The following MSR1 variants were observed in gnomAD, a reference collection of about 807,000 sequenced individuals.
The protein encoded by MSR1 is macrophage scavenger receptor types I and II.
In MSR1, 53 loss-of-function variants were observed where a neutral mutation model predicts 47.2. The ratio of observed to expected loss-of-function variants is 1.12; its 90% confidence interval spans 0.90 to 1.41. The LOEUF (loss-of-function observed/expected upper bound fraction) is 1.41. MSR1 is among the 40% of genes most tolerant of loss of function. The pLI, the probability that MSR1 is intolerant of heterozygous loss-of-function variation, is 0.00. For missense variants in MSR1, 786 were observed against 546.9 expected (o/e 1.44, Z -4.36); for synonymous variants, 239 against 185.6 (o/e 1.29, Z -2.34).
intron 3 of MSR1, among the ~76,000 whole-genome samples, chr8:16,173,999 T>A (rs901203555): frequency 3.9e-5 from 6 of 152,152 alleles, no homozygotes; most frequent in Non-Finnish European, 5.9e-5. Flanking sequence ...AAAGACTTGA[T>A]TAAACTGGGA....
At chr8:16,150,849 T>TG in intron 6 of MSR1, among the ~76,000 whole-genome samples, 1 of 44,332 alleles carries the variant, frequency 2.3e-5, no homozygotes, top group Non-Finnish European at 4.8e-5. Context: ...AACATAAACA[T>TG]AAACACACAC....
chr8:16,134,542 C>G (rs998345669), intron 8 of MSR1, among the ~76,000 whole-genome samples: 2 of 152,112 alleles, frequency 1.3e-5, no homozygotes, highest in Non-Finnish European at 2.9e-5. Flanking sequence ...TTCTGTCTCT[C>G]TTCCTCTCCT....
intron 8 of MSR1, among the ~76,000 whole-genome samples, chr8:16,124,267 T>C (rs140699952): frequency 2.4e-3 from 365 of 152,220 alleles, no homozygotes; most frequent in African/African-American, 8.4e-3. Context: ...AGACAAAAAA[T>C]CTTAAGTCCA....
At chr8:16,181,881 G>A (rs1173899678) in intron 1 of MSR1, among the ~76,000 whole-genome samples, 2 of 152,078 alleles carry the variant, frequency 1.3e-5, no homozygotes, top group Non-Finnish European at 2.9e-5. Context: ...TTTGAACTCA[G>A]TTTGTAAAAG....
chr8:16,171,181 G>C (rs1199169997), intron 3 of MSR1, among the ~76,000 whole-genome samples: 1 of 136,674 alleles, frequency 7.3e-6, no homozygotes, highest in Non-Finnish European at 1.5e-5. Context: ...CCGAGATTGT[G>C]CCACTGCACT....
At chr8:16,141,153 C>A in intron 8 of MSR1, 3 of 1,220,332 alleles carry the variant, frequency 2.5e-6, no homozygotes, top group South Asian at 2.7e-5. Context: ...TTTTCACATA[C>A]CACCATTAAC....
At position 16,167,900 on chromosome 8, in the gene MSR1, G is replaced by T. The variant is rs1041264469; in HGVS notation, c.630+558C>A. On this transcript the variant is annotated intron_variant, in intron 4 of 9. Coordinates refer to ENST00000262101, the MANE Select transcript of MSR1 (RefSeq NM_138715.3). ...GATATGCTTACTTATTAACAATGTA[G>T]GAAACACTGATAGATTTTAGACGTG... 5.3e-5 allele frequency among the ~76,000 whole-genome samples: 8 copies of T among 152,120 alleles called. No homozygotes were observed. In the South Asian group the frequency reaches 1.5e-3, roughly 28 times the overall value.
intron 1 of MSR1, chr8:16,186,138 A>T: frequency 6.5e-7 from 1 of 1,527,534 alleles, no homozygotes; most frequent in Non-Finnish European, 8.8e-7. Context: ...GAGTGCATAA[A>T]TGAAAGTTGT....
chr8:16,177,740 T>C lies in MSR1; in HGVS notation c.103+146A>G, dbSNP rs530443802. 2.2e-4 allele frequency: 144 copies of C among 667,838 alleles called. 1 individual carries two copies. Among genetic ancestry groups the C allele is most frequent in the Middle Eastern group, 1.6e-3 (5 of 3,156 alleles). The allele number at this position is 667,838 out of a possible 1,614,324, so 41.4% of individuals were successfully genotyped here. A position where few individuals can be genotyped will look rare whatever the true frequency, so the allele number is the denominator to read the frequency against. ...TTACTTTTATTTAAGCTTATTTTTA[T>C]TCTGTCTCAAGAATACCCCTGTTGG... is the stretch of plus-strand genomic sequence containing the variant. On this transcript the variant is annotated intron_variant, in intron 2 of 9. Transcript: ENST00000262101.
At chr8:16,120,686 T>C in intron 8 of MSR1, 80 bp from the exon 9 acceptor site, 1 of 1,461,032 alleles carries the variant, frequency 6.8e-7, no homozygotes, top group Non-Finnish European at 9.1e-7. Context: ...ACAGCACTTT[T>C]TTTTTAAACA....
chr8:16,187,228 T>C (rs1264058400), intron 1 of MSR1, among the ~76,000 whole-genome samples: 3 of 151,146 alleles, frequency 2.0e-5, no homozygotes, highest in Non-Finnish European at 4.4e-5. Context: ...CTGAGTGTGG[T>C]GGCGGGTACC....
intron 9 of MSR1, among the ~76,000 whole-genome samples, chr8:16,117,460 G>A (rs962443676): frequency 2.0e-5 from 3 of 152,222 alleles, no homozygotes; most frequent in African/African-American, 7.2e-5. Context: ...TCAGTGAGTG[G>A]AAAGTGACAA....
chr8:16,191,321 G>T (rs1294503731), intron 1 of MSR1, among the ~76,000 whole-genome samples: 1 of 152,080 alleles, frequency 6.6e-6, no homozygotes, highest in East Asian at 1.9e-4. Flanking sequence ...CTAGATTTGA[G>T]TATTGACTGT....
chr8:16,150,045 C>T (rs1800804736), intron 7 of MSR1, among the ~76,000 whole-genome samples, 186 bp downstream of exon 7: 1 of 150,040 alleles, frequency 6.7e-6, no homozygotes, highest in African/African-American at 2.5e-5. Flanking sequence ...CATGTGAATA[C>T]TAGTATTCAC....
intron 2 of MSR1, among the ~76,000 whole-genome samples, chr8:16,175,820 T>C (rs1801629418): frequency 6.6e-6 from 1 of 152,200 alleles, no homozygotes; most frequent in Admixed American, 6.5e-5. Flanking sequence ...GAATACAGTG[T>C]AAACAATATT....
chr8:16,171,460 T>C (rs940814458), intron 3 of MSR1, among the ~76,000 whole-genome samples: 2 of 152,178 alleles, frequency 1.3e-5, no homozygotes, highest in African/African-American at 4.8e-5. Flanking sequence ...TTACTCTACA[T>C]GTCTTAACGT....
rs1022956715 is a variant in MSR1 at position 16,175,089 on chromosome 8, A to G, written c.217+98T>C. The G allele has an allele frequency of 3.2e-6, 3 of 934,842 alleles. No homozygotes were observed. In the African/African-American group the frequency reaches 4.9e-5, roughly 15 times the overall value. 57.9% of individuals were successfully genotyped at this position (934,842 alleles called of 1,614,324 possible). A position where few individuals can be genotyped will look rare whatever the true frequency, so the allele number is the denominator to read the frequency against. On this transcript the variant is annotated intron_variant, in intron 3 of 9. Transcript: ENST00000262101. The stretch of plus-strand genomic sequence containing the variant: ...TTGTAATGCAGTATTTTCTTTATGA[A>G]TGTACCATATACAAAAGACTGAATG...
intron 5 of MSR1, among the ~76,000 whole-genome samples, chr8:16,156,888 AATGTAGT>A (rs1801026164): frequency 5.3e-5 from 8 of 152,050 alleles, no homozygotes; most frequent in South Asian, 4.1e-4. Flanking sequence ...CCTGCAGAAG[AATGTAGT>A]ACTTCCCAAG....
chr8:16,140,827 G>C, intron 8 of MSR1: 1 of 1,548,140 alleles, frequency 6.5e-7, no homozygotes, highest in Non-Finnish European at 8.7e-7. Context: ...GGCCCAAACA[G>C]CACCAGGGAC....
Sources: allele counts gnomAD v4.1 joint callset (sites outside exome capture counted in the v4.1 genomes callset), GRCh38; gene constraint gnomAD v4.1.1; transcripts MANE v1.5; gene names NCBI Gene and HGNC (gene_info 2026-07-23, HGNC 2026-07-21).